ATP10D: variants seen among roughly 807,000 people sequenced by gnomAD.
The protein encoded by ATP10D is ATPase phospholipid transporting 10D (putative).
A neutral mutation model predicts 144.8 loss-of-function variants in ATP10D; 89 were observed. The observed-to-expected ratio is 0.61, with a 90% CI of 0.52 to 0.73. The LOEUF is 0.73. ATP10D is among the 30% of genes least tolerant of loss of function. ATP10D has a pLI of 0.00. For synonymous variants in ATP10D, 571 were observed against 615.1 expected, an observed-to-expected ratio of 0.93 and a Z score of 1.06; for missense variants, 1,603 against 1,714.8, an observed-to-expected ratio of 0.93 and a Z score of 1.15.
At chr4:47,560,027 A>G (rs2109450286) in intron 13 of ATP10D, among the ~76,000 whole-genome samples, 1 of 152,060 alleles carries the variant, frequency 6.6e-6, no homozygotes, top group Admixed American at 6.6e-5. Context: ...AAAAACAAAA[A>G]GCCTGCCCCA....
intron 18 of ATP10D, among the ~76,000 whole-genome samples, chr4:47,575,023 G>C (rs1038745566): frequency 6.6e-6 from 1 of 151,986 alleles, no homozygotes; most frequent in Non-Finnish European, 1.5e-5. Flanking sequence ...CACCATGTTG[G>C]CTAGGATGGT....
At chr4:47,580,595 T>TA in intron 20 of ATP10D, 117 bp downstream of exon 20, 2 of 860,100 alleles carry the variant, frequency 2.3e-6, no homozygotes, top group Non-Finnish European at 3.9e-6. Context: ...AGGTTGATTA[T>TA]TAACTGACTA....
chr4:47,577,696 A>G (rs1385106425), intron 19 of ATP10D, among the ~76,000 whole-genome samples: 1 of 152,248 alleles, frequency 6.6e-6, no homozygotes, highest in African/African-American at 2.4e-5. Context: ...ATGGAGAGTC[A>G]TTTAGTGTCC....
At chr4:47,495,234 A>G (rs527600332) in intron 1 of ATP10D, among the ~76,000 whole-genome samples, 98 of 152,222 alleles carry the variant, frequency 6.4e-4, no homozygotes, top group Admixed American at 1.2e-3. Context: ...GTATGTACGC[A>G]TCTTACCCAT....
chr4:47,559,080 T>C, intron 13 of ATP10D, 51 bp downstream of exon 13: 1 of 1,437,232 alleles, frequency 7.0e-7, no homozygotes, highest in Non-Finnish European at 9.8e-7. Flanking sequence ...CTTGTTTAGC[T>C]ATCACTGACT....
intron 1 of ATP10D, among the ~76,000 whole-genome samples, chr4:47,499,645 T>A (rs1715576033): frequency 6.6e-6 from 1 of 152,190 alleles, no homozygotes; most frequent in South Asian, 2.1e-4. Flanking sequence ...GGTGCTGAAT[T>A]CTCAGAGAAG....
At chr4:47,499,106 C>T (rs547847807) in intron 1 of ATP10D, among the ~76,000 whole-genome samples, 1 of 152,282 alleles carries the variant, frequency 6.6e-6, no homozygotes, top group Non-Finnish European at 1.5e-5. Flanking sequence ...TGGTCTGAAG[C>T]TTGGCCACAT....
chr4:47,563,473 G>T (rs967929175), intron 14 of ATP10D, 108 bp from the exon 15 acceptor site: 11 of 971,270 alleles, frequency 1.1e-5, no homozygotes, highest in Non-Finnish European at 1.6e-5. Context: ...GGCAGTTTAT[G>T]TAGTGTAGGG....
chr4:47,555,027 G>C, intron 11 of ATP10D, 113 bp downstream of exon 11: 1 of 911,580 alleles, frequency 1.1e-6, no homozygotes, highest in Non-Finnish European at 1.7e-6. Flanking sequence ...AATAGTAGCT[G>C]TATAACACTG....
At chr4:47,491,352 C>T (rs1715071514) in intron 1 of ATP10D, 11 of 758,288 alleles carry the variant, frequency 1.5e-5, no homozygotes, top group Non-Finnish European at 2.1e-5. Flanking sequence ...TCCAATATCA[C>T]GTCTCTTATA....
intron 15 of ATP10D, among the ~76,000 whole-genome samples, chr4:47,564,425 T>C (rs749471669): frequency 2.0e-5 from 3 of 152,112 alleles, no homozygotes; most frequent in Non-Finnish European, 2.9e-5. Flanking sequence ...CAAGTCCTGG[T>C]ACAGGAATCT....
intron 19 of ATP10D, chr4:47,578,275 A>G (rs1299033398): frequency 6.6e-6 from 1 of 152,182 alleles, no homozygotes; most frequent in East Asian, 1.9e-4. Flanking sequence ...TCCTGTGTTC[A>G]GTGTCATGAA....
rs1320685375 is a variant in ATP10D at position 47,592,457 on chromosome 4, AAGTTT to A, written c.*1078_*1082del. 6.6e-6 allele frequency: 1 copy of A among 152,592 alleles called. No individual in the cohort carries two copies. Among genetic ancestry groups the A allele is most frequent in the Admixed American group, 6.6e-5 (1 of 15,258 alleles). 9.5% of individuals were successfully genotyped at this position (152,592 alleles called of 1,614,324 possible). A position where few individuals can be genotyped will look rare whatever the true frequency, so the allele number is the denominator to read the frequency against. ...ATTTGAGGACAGGAATGTCTATAGC[AAGTTT>A]ACTCCTATTGCGAATCATGTATGCT... On this transcript the variant is annotated 3_prime_UTR_variant, in exon 23 of 23. Transcript: ENST00000273859.
intron 5 of ATP10D, among the ~76,000 whole-genome samples, chr4:47,527,537 C>A (rs1373261816): frequency 6.6e-6 from 1 of 152,058 alleles, no homozygotes; most frequent in Non-Finnish European, 1.5e-5. Flanking sequence ...TATTTGCAAT[C>A]CATGTATTTC....
chr4:47,513,570 G>A (rs1006319177), intron 2 of ATP10D, among the ~76,000 whole-genome samples: 3 of 152,188 alleles, frequency 2.0e-5, no homozygotes, highest in African/African-American at 7.2e-5. Flanking sequence ...GCAGAGGTGT[G>A]AGCAAAGCAT....
chr4:47,489,609 T>A (rs1021984414), intron 1 of ATP10D, among the ~76,000 whole-genome samples: 1 of 152,220 alleles, frequency 6.6e-6, no homozygotes, highest in Non-Finnish European at 1.5e-5. Context: ...AAAGAGCACA[T>A]ATATGATATT....
intron 9 of ATP10D, 123 bp from the exon 10 acceptor site, chr4:47,546,501 T>G (rs1268309218): frequency 1.2e-6 from 1 of 854,792 alleles, no homozygotes; most frequent in East Asian, 2.4e-5. Flanking sequence ...GAGGTAGGCC[T>G]TGGCAGCCAG....
In ATP10D at chr4:47,554,855, A is replaced by G. The variant is rs1332916523; in HGVS notation, c.1765A>G (p.Ile589Val). The change falls in exon 11 of 23, where the codon ATT becomes GTT. Residue 589 changes from isoleucine (I) to valine (V), a missense_variant. Transcript: ENST00000273859. ...AACTTTGTACATTATCGACTTTTTC[A>G]TTGCATTGGCAATTTGCAACACAGT... ...METLYIIDFFIALAICNTVVV... is the reference protein window; with the variant it reads ...METLYIIDFFVALAICNTVVV... 8 of 1,614,174 alleles carry G rather than the reference A, an allele frequency of 5.0e-6. No individual in the cohort carries two copies.
chr4:47,563,166 AC>A, intron 14 of ATP10D, among the ~76,000 whole-genome samples: 1 of 152,206 alleles, frequency 6.6e-6, no homozygotes, highest in East Asian at 1.9e-4. Context: ...CCCAGATTTC[AC>A]CCCTACACAA....
Sources: allele counts gnomAD v4.1 joint callset (sites outside exome capture counted in the v4.1 genomes callset), GRCh38; gene constraint gnomAD v4.1.1; transcripts MANE v1.5; gene names NCBI Gene and HGNC (gene_info 2026-07-23, HGNC 2026-07-21).